The following TYK2 variants were observed in gnomAD, a reference collection of about 807,000 sequenced individuals.
TYK2 encodes the protein tyrosine kinase 2.
In TYK2, 65 loss-of-function variants were observed where a neutral mutation model predicts 130.9. The observed-to-expected ratio is 0.50, with a 90% confidence interval of 0.41 to 0.61. TYK2 has a LOEUF of 0.61. Ranked by LOEUF, TYK2 falls within the 20% of genes least tolerant of loss-of-function variation. The probability of loss-of-function intolerance (pLI) is 0.00; values close to 1 mark genes in which losing one functional copy is unlikely to be tolerated. For synonymous variants in TYK2, 647 were observed against 658.9 expected, an observed-to-expected ratio of 0.98 and a Z score of 0.28; for missense variants, 1,378 against 1,610.7, an observed-to-expected ratio of 0.86 and a Z score of 2.47.
intron 23 of TYK2, 77 bp from the exon 24 acceptor site, chr19:10,351,239 C>G (rs1433549122): frequency 3.3e-6 from 4 of 1,213,852 alleles, no homozygotes; most frequent in Middle Eastern, 2.1e-4. Flanking sequence ...GTAATCCCAG[C>G]ACTTTGGAAG....
intron 2 of TYK2, among the ~76,000 whole-genome samples, chr19:10,379,136 G>C (rs1402778168): frequency 1.3e-5 from 2 of 151,926 alleles, no homozygotes; most frequent in African/African-American, 2.4e-5. Context: ...TGGGATTACA[G>C]GCGTGAGCCA....
rs924340057 is a variant in TYK2 at position 10,364,663 on chromosome 19, G to T, written c.1318C>A (p.Pro440Thr). 4 of 1,613,816 alleles carry T rather than the reference G, an allele frequency of 2.5e-6. No homozygotes were observed. The African/African-American group carries it at 5.3e-5, about 22-fold the overall frequency. The change falls in exon 9 of 25, where the codon CCC becomes ACC. Residue 440 changes from proline to threonine, a missense_variant. Transcript: ENST00000525621. This position sits in a 1 kb window ranked among gnomAD's most constrained non-coding sequence, Gnocchi z 4.9. ...SSHYLCHEVA[P>T]PRLVMSIRDG... is the part of the protein sequence containing the mutation. ...CGGATGCTCATCACCAGCCGTGGGG[G>T]AGCCACCTCGTGGCACAGGTAGTGG...
chr19:10,350,726 G>C lies in TYK2; in HGVS notation c.*108C>G. 2 of 1,361,504 alleles carry C rather than the reference G, an allele frequency of 1.5e-6. No individual in the cohort carries two copies. Among genetic ancestry groups the C allele is most frequent in the Non-Finnish European group, 2.1e-6 (2 of 974,636 alleles). 84.3% of individuals were successfully genotyped at this position (1,361,504 alleles called of 1,614,324 possible). The stretch of plus-strand genomic sequence containing the variant: ...AGACAGGAGTAAGGCACACGGTGTG[G>C]GTGAGGCTGACATCCCCCTCTTGGT... On this transcript the variant is annotated 3_prime_UTR_variant, in exon 25 of 25. Coordinates refer to ENST00000525621, the MANE Select transcript of TYK2 (RefSeq NM_003331.5).
intron 16 of TYK2, 30 bp from the exon 17 acceptor site, chr19:10,357,948 G>A (rs202185447): frequency 4.5e-5 from 72 of 1,613,372 alleles, no homozygotes; most frequent in Admixed American, 6.7e-5. Flanking sequence ...GGTCACCAAG[G>A]GTGAAAGGAG....
chr19:10,352,377 T>C, intron 23 of TYK2, 57 bp downstream of exon 23: 1 of 1,203,268 alleles, frequency 8.3e-7, no homozygotes, highest in South Asian at 1.2e-5. Flanking sequence ...TGGCCCAGCC[T>C]ATGCCTTTCT....
At position 10,359,238 on chromosome 19, in the gene TYK2, GC is replaced by G; in HGVS notation, c.2111del (p.Gly704AlafsTer54). 1 of 1,610,626 alleles carries G rather than the reference GC, an allele frequency of 6.2e-7. No individual in the cohort carries two copies. On this transcript the variant is annotated frameshift_variant, in exon 15 of 25. Coordinates refer to ENST00000525621, the MANE Select transcript of TYK2 (RefSeq NM_003331.5). LOFTEE classifies it high-confidence loss of function. ...PLDVWLRRERGHVPMAWKMVV... is the reference protein window; with the variant it reads ...PLDVWLRRERXHVPMAWKMVV... ...CCATCTTCCAAGCCATGGGCACATGGCCCCGCTCCCTCCGCAGCCACACATC... is the reference window on the plus strand; with the variant it reads ...CCATCTTCCAAGCCATGGGCACATGGCCCGCTCCCTCCGCAGCCACACATC...
At chr19:10,373,656 C>CAAAAATA (rs966504928) in intron 3 of TYK2, among the ~76,000 whole-genome samples, 5 of 151,882 alleles carry the variant, frequency 3.3e-5, no homozygotes, top group African/African-American at 1.2e-4. Flanking sequence ...AAGAACCAGT[C>CAAAAATA]AAAAATAAAA....
intron 5 of TYK2, 122 bp downstream of exon 5, chr19:10,367,933 A>T: frequency 1.8e-6 from 2 of 1,123,840 alleles, no homozygotes; most frequent in Non-Finnish European, 2.5e-6. Flanking sequence ...AAAAAAAAAA[A>T]GATCCCCAGA....
In TYK2 at chr19:10,372,296, G is replaced by GTT. The variant is rs776320771; in HGVS notation, c.194-3880_194-3879dup. On this transcript the variant is annotated intron_variant, in intron 3 of 24. Transcript: ENST00000525621. ...GCGTGAGCCACGGCGCCCGGCCTGGGTTTTTTTTTTTTTTTGAAGCAGGAT... is the reference window on the plus strand; with the variant it reads ...GCGTGAGCCACGGCGCCCGGCCTGGGTTTTTTTTTTTTTTTTTGAAGCAGGAT... Among the ~76,000 whole-genome samples, 11 of 129,930 alleles carry GTT rather than the reference G, an allele frequency of 8.5e-5. No homozygotes were observed. The East Asian group carries it at 1.1e-3, about 13-fold the overall frequency. The allele number at this position is 129,930 out of a possible 152,430, so 85.2% of individuals were successfully genotyped here. A position where few individuals can be genotyped will look rare whatever the true frequency, so the allele number is the denominator to read the frequency against.
At chr19:10,356,504 C>T in intron 18 of TYK2, 64 bp downstream of exon 18, 1 of 1,599,150 alleles carries the variant, frequency 6.3e-7, no homozygotes, top group South Asian at 1.1e-5. Context: ...GCGCTATAGG[C>T]ATACAGCAGG....
chr19:10,365,773 T>G lies in TYK2; in HGVS notation c.755A>C (p.Gln252Pro). 1 of 1,612,714 alleles carries G rather than the reference T, an allele frequency of 6.2e-7. No homozygotes were observed. The highest frequency in any genetic ancestry group is 8.5e-7 in the Non-Finnish European group (1 of 1,179,860). ...LRDFQPGRLS[Q>P]QMVMVKYLAT... ...TAGGTATTTGACCATGACCATCTGC[T>G]GGGAGAGTCGGCCCGGCTGGAAGTC... Residue 252 changes from glutamine (Q) to proline (P), a missense_variant, in exon 7 of 25, where the codon CAG (glutamine) becomes CCG (proline). Transcript: ENST00000525621.
At chr19:10,367,131 G>A (rs1417621633) in intron 5 of TYK2, among the ~76,000 whole-genome samples, 1 of 152,036 alleles carries the variant, frequency 6.6e-6, no homozygotes, top group Non-Finnish European at 1.5e-5. Flanking sequence ...AGCTGTCCTG[G>A]GCAGCATGCA....
chr19:10,371,484 T>C (rs1398929981), intron 3 of TYK2, among the ~76,000 whole-genome samples: 5 of 151,460 alleles, frequency 3.3e-5, no homozygotes, highest in Admixed American at 3.3e-4. Context: ...CTACTAAAAA[T>C]ACAAAATTAG....
In TYK2 at chr19:10,353,967, G is replaced by GC. The variant is rs1337819400; in HGVS notation, c.2908+74dup. ...GTCTCTAATTGGCTAGGCCAGACTG[G>GC]CCCCGCCCACAAGGCCACACCCACG... On this transcript the variant is annotated intron_variant, in intron 20 of 24. Coordinates refer to ENST00000525621, the MANE Select transcript of TYK2 (RefSeq NM_003331.5). This position sits in a 1 kb window ranked among gnomAD's most constrained non-coding sequence, Gnocchi z 6.9. The GC allele has an allele frequency of 2.0e-6, 3 of 1,491,908 alleles. No individual in the cohort carries two copies. The East Asian group carries it at 6.8e-5, about 34-fold the overall frequency. The allele number at this position is 1,491,908 out of a possible 1,614,324, so 92.4% of individuals were successfully genotyped here. A position where few individuals can be genotyped will look rare whatever the true frequency, so the allele number is the denominator to read the frequency against.
At position 10,352,911 on chromosome 19, in the gene TYK2, AC is replaced by A; in HGVS notation, c.3200+14del. 6.2e-7 allele frequency: 1 copy of A among 1,601,132 alleles called. No homozygotes were observed. Among genetic ancestry groups the A allele is most frequent in the Non-Finnish European group, 8.5e-7 (1 of 1,175,050 alleles). ...TGACCCCAGCACCCCCTCAGACTGC[AC>A]CCCGCCTGGTCACCAGAACACGGGG... On this transcript the variant is annotated intron_variant, in intron 22 of 24. Coordinates refer to ENST00000525621, the MANE Select transcript of TYK2 (RefSeq NM_003331.5).
intron 3 of TYK2, among the ~76,000 whole-genome samples, chr19:10,372,484 A>ATATATTTTTTT (rs1390400916): frequency 8.0e-5 from 3 of 37,424 alleles, no homozygotes; most frequent in African/African-American, 4.0e-4. Context: ...ATATATATAT[A>ATATATTTTTTT]TTTTTTTTTT....
intron 22 of TYK2, 62 bp from the exon 23 acceptor site, chr19:10,352,613 G>A (rs1461216199): frequency 3.5e-6 from 3 of 869,044 alleles, no homozygotes; most frequent in South Asian, 3.3e-5. Flanking sequence ...GATCAGACCA[G>A]GCTGAAGCCC....
chr19:10,377,621 T>A, intron 3 of TYK2, among the ~76,000 whole-genome samples: 1 of 89,636 alleles, frequency 1.1e-5, no homozygotes, highest in African/African-American at 4.6e-5. Context: ...GATGGATGGG[T>A]GGATGGGTGG....
intron 18 of TYK2, 65 bp from the exon 19 acceptor site, chr19:10,354,674 A>T (rs2040995924): frequency 7.1e-7 from 1 of 1,400,940 alleles, no homozygotes; most frequent in African/African-American, 1.4e-5. Context: ...CACACTTGGG[A>T]GTCACAAAGC....
Sources: gnomAD v4.1 joint callset for allele counts (sites outside exome capture counted in the v4.1 genomes callset) on GRCh38, gnomAD v4.1.1 for gene constraint, Gnocchi (gnomAD v3.1) non-coding constraint, MANE v1.5 for transcripts, NCBI Gene and HGNC (gene_info 2026-07-23, HGNC 2026-07-21) for gene names.